The following CSGALNACT1 variants were observed in gnomAD, a reference collection of about 807,000 sequenced individuals.
The protein encoded by CSGALNACT1 is beta4GalNAcT-1.
In CSGALNACT1, 52 loss-of-function variants were observed where a neutral mutation model predicts 51.0. That is an observed-to-expected ratio of 1.02 (90% CI 0.82 to 1.29). The LOEUF is 1.29. Ranked by LOEUF, CSGALNACT1 falls within the 50% of genes most tolerant of loss-of-function variation. The pLI is 0.00. For missense variants in CSGALNACT1, 935 were observed against 679.2 expected (o/e 1.38, Z -4.19); for synonymous variants, 341 against 254.4 (o/e 1.34, Z -3.24).
chr8:19,422,383 CAG>C (rs1004461373), intron 6 of CSGALNACT1, among the ~76,000 whole-genome samples: 21 of 152,090 alleles, frequency 1.4e-4, no homozygotes, highest in Non-Finnish European at 2.1e-4. Context: ...TTTATAGAGA[CAG>C]AGTCTCACTT....
chr8:19,673,413 ATCATGAGATCT>A lies in CSGALNACT1; in HGVS notation c.-544+9049_-544+9059del, dbSNP rs1049213016. On this transcript the variant is annotated intron_variant, in intron 1 of 9. Coordinates refer to the CSGALNACT1 transcript ENST00000332246. ...ATGCGACAGCTCTTTATCATTCATC[ATCATGAGATCT>A]GGTCACAGCAAACCAAGACGGCAGG... 6.9e-3 allele frequency among the ~76,000 whole-genome samples: 1,045 copies of A among 152,338 alleles called. 13 individuals carry two copies. Among genetic ancestry groups the A allele is most frequent in the African/African-American group, 0.024 (985 of 41,570 alleles).
At chr8:19,501,432 A>G (rs1207003674) in intron 4 of CSGALNACT1, among the ~76,000 whole-genome samples, 1 of 152,128 alleles carries the variant, frequency 6.6e-6, no homozygotes, top group Non-Finnish European at 1.5e-5. Context: ...GAGGGGACAC[A>G]TTCAAACCAC....
At chr8:19,736,710 C>T (rs1433497102) in intron 1 of CSGALNACT1, among the ~76,000 whole-genome samples, 1 of 151,938 alleles carries the variant, frequency 6.6e-6, no homozygotes, top group East Asian at 1.9e-4. Flanking sequence ...AAAAATTACC[C>T]AGCGAACAGC....
chr8:19,419,302 T>G (rs1220965744), intron 7 of CSGALNACT1, among the ~76,000 whole-genome samples: 2 of 152,206 alleles, frequency 1.3e-5, no homozygotes, highest in Non-Finnish European at 2.9e-5. Flanking sequence ...GCACTGGGCA[T>G]CACGCCTTGG....
intron 1 of CSGALNACT1, among the ~76,000 whole-genome samples, chr8:19,650,530 C>T (rs1215624044): frequency 6.6e-6 from 1 of 152,116 alleles, no homozygotes; most frequent in African/African-American, 2.4e-5. Context: ...ATCCAATGGG[C>T]ACCAACAATA....
chr8:19,617,360 A>G (rs2053175883), intron 1 of CSGALNACT1, among the ~76,000 whole-genome samples: 2 of 152,182 alleles, frequency 1.3e-5, no homozygotes, highest in Non-Finnish European at 2.9e-5. Flanking sequence ...CCAGTGGTTG[A>G]GGACTCCTGA....
chr8:19,557,976 C>T (rs912642396), intron 3 of CSGALNACT1, among the ~76,000 whole-genome samples: 1 of 152,138 alleles, frequency 6.6e-6, no homozygotes, highest in Non-Finnish European at 1.5e-5. Context: ...AAAATGAAAA[C>T]ATAAACAAGT....
intron 1 of CSGALNACT1, among the ~76,000 whole-genome samples, chr8:19,710,275 T>C (rs1381759370): frequency 1.3e-5 from 2 of 152,246 alleles, no homozygotes; most frequent in Admixed American, 6.5e-5. Context: ...ATAGGGTCTA[T>C]AATCCATTTG....
chr8:19,492,016 G>A (rs1221693921), intron 4 of CSGALNACT1, among the ~76,000 whole-genome samples: 3 of 152,144 alleles, frequency 2.0e-5, no homozygotes, highest in Non-Finnish European at 4.4e-5. Context: ...TCTATTTATT[G>A]ACCATAAACA....
At chr8:19,503,851 T>G (rs1166369658) in intron 4 of CSGALNACT1, among the ~76,000 whole-genome samples, 1 of 151,722 alleles carries the variant, frequency 6.6e-6, no homozygotes, top group East Asian at 1.9e-4. Flanking sequence ...TCTAGGCACA[T>G]AAAACTGATG....
At chr8:19,497,681 C>T (rs958027760) in intron 4 of CSGALNACT1, among the ~76,000 whole-genome samples, 2 of 152,148 alleles carry the variant, frequency 1.3e-5, no homozygotes, top group African/African-American at 4.8e-5. Flanking sequence ...ACCTAAAAAT[C>T]CTGGATCATT....
exon 10 of CSGALNACT1, chr8:19,405,578 C>G (rs1036415463): frequency 1.4e-6 from 1 of 733,806 alleles, no homozygotes; most frequent in African/African-American, 1.7e-5. Flanking sequence ...CAGGGTGCAA[C>G]TGGGTTACTT....
intron 3 of CSGALNACT1, among the ~76,000 whole-genome samples, chr8:19,558,970 C>T (rs1487097366): frequency 6.6e-6 from 1 of 152,136 alleles, no homozygotes; most frequent in East Asian, 1.9e-4. Context: ...AAAGGAAGAT[C>T]ATTTCCAAAT....
At chr8:19,532,124 T>C (rs1342121127) in intron 3 of CSGALNACT1, 1 of 152,096 alleles carries the variant, frequency 6.6e-6, no homozygotes, top group Admixed American at 6.5e-5. Flanking sequence ...CACAGAGCCT[T>C]CGTCGCTGTT....
intron 7 of CSGALNACT1, 99 bp from the exon 7 acceptor site, chr8:19,418,849 C>T (rs539332228): frequency 4.8e-6 from 4 of 825,052 alleles, no homozygotes; most frequent in Non-Finnish European, 8.3e-6. Context: ...GATATTTGCA[C>T]CCACTTTTTT....
intron 3 of CSGALNACT1, among the ~76,000 whole-genome samples, chr8:19,549,516 T>G (rs2087384644): frequency 6.6e-6 from 1 of 152,126 alleles, no homozygotes; most frequent in Non-Finnish European, 1.5e-5. Context: ...CCTCAGGCCA[T>G]CCTTCCTGGT....
upstream of CSGALNACT1, among the ~76,000 whole-genome samples, chr8:19,685,140 C>T (rs1186978805): frequency 6.6e-6 from 1 of 152,148 alleles, no homozygotes; most frequent in Admixed American, 6.5e-5. Context: ...GAACAGTACC[C>T]AATACATGGC....
At position 19,515,195 on chromosome 8, in the gene CSGALNACT1, C is replaced by T. The variant is rs956909167; in HGVS notation, c.-296-9065G>A. ...TGCTGTCAGGCCATGTCCTTTCCTG[C>T]CTCTGGACCCCACTATCTCTATCTC... On this transcript the variant is annotated intron_variant, in intron 3 of 9. Transcript: ENST00000454498. 2.0e-5 allele frequency among the ~76,000 whole-genome samples: 3 copies of T among 148,458 alleles called. No homozygotes were observed. In the South Asian group the frequency reaches 6.4e-4, roughly 32 times the overall value.
chr8:19,645,908 G>A lies in CSGALNACT1; in HGVS notation c.-544+36565C>T, dbSNP rs753443896. ...AACTCCACACAGCCTAGAAAAAAAT[G>A]AGGATAAAAGGAATGGGTAAACGGT... On this transcript the variant is annotated intron_variant, in intron 1 of 9. Coordinates refer to the CSGALNACT1 transcript ENST00000332246. Among the ~76,000 whole-genome samples the A allele has an allele frequency of 1.3e-5, 2 of 152,134 alleles. 1 individual carries two copies.
Sources: gnomAD v4.1 joint callset for allele counts (sites outside exome capture counted in the v4.1 genomes callset) on GRCh38, gnomAD v4.1.1 for gene constraint, MANE v1.5 for transcripts, NCBI Gene and HGNC (gene_info 2026-07-23, HGNC 2026-07-21) for gene names.